NAE1: variants seen among roughly 807,000 people sequenced by gnomAD.
The protein encoded by NAE1 is NEDD8 activating enzyme E1 subunit 1, also known as NEDD8-activating enzyme E1 regulatory subunit.
A neutral mutation model predicts 88.0 loss-of-function variants in NAE1; 59 were observed. The ratio of observed to expected loss-of-function variants is 0.67; its 90% CI spans 0.54 to 0.83. The LOEUF (loss-of-function observed/expected upper bound fraction) is 0.83, where lower values mean the gene tolerates loss of function less well. Among genes scored for constraint, NAE1 ranks in the 40% least tolerant of loss-of-function variants. NAE1 has a pLI of 0.00. For synonymous variants in NAE1, 186 were observed against 208.9 expected, an observed-to-expected ratio of 0.89 and a Z score of 0.95; for missense variants, 554 against 632.8, an observed-to-expected ratio of 0.88 and a Z score of 1.34.
rs1959741994 is a variant in NAE1 at position 66,810,289 on chromosome 16, T to A, written c.1150+85A>T. 3 of 1,169,400 alleles carry A rather than the reference T, an allele frequency of 2.6e-6. No homozygotes were observed. In the East Asian group the frequency reaches 7.0e-5, roughly 27 times the overall value. The allele number at this position is 1,169,400 out of a possible 1,614,324, so 72.4% of individuals were successfully genotyped here. A position where few individuals can be genotyped will look rare whatever the true frequency, so the allele number is the denominator to read the frequency against. ...CACTGAGGCCATGGAAAACTTAAAA[T>A]TTCAACCATTCAAAATACCTGGGAA... On this transcript the variant is annotated intron_variant, in intron 15 of 19. Transcript: ENST00000290810.
intron 11 of NAE1, among the ~76,000 whole-genome samples, chr16:66,814,497 G>C (rs970738770): frequency 8.6e-5 from 13 of 151,782 alleles, no homozygotes; most frequent in Non-Finnish European, 2.9e-5. Context: ...GGAGGCTGAG[G>C]TGGGGGGATC....
intron 17 of NAE1, among the ~76,000 whole-genome samples, chr16:66,807,314 T>G (rs570669124): frequency 2.0e-5 from 3 of 151,744 alleles, no homozygotes; most frequent in Non-Finnish European, 2.9e-5. Context: ...GTGTTTATTC[T>G]TTTTTTTTCT....
At chr16:66,824,918 A>G in intron 3 of NAE1, 33 bp from the exon 4 acceptor site, 1 of 1,581,622 alleles carries the variant, frequency 6.3e-7, no homozygotes, top group South Asian at 1.2e-5. Flanking sequence ...AAAAAAAGTA[A>G]AGCTTACTGA....
chr16:66,808,686 T>C, intron 16 of NAE1, 73 bp from the exon 17 acceptor site: 1 of 1,096,326 alleles, frequency 9.1e-7, no homozygotes, highest in East Asian at 2.4e-5. Context: ...CTGAATTTAC[T>C]ATATACTTGA....
intron 11 of NAE1, among the ~76,000 whole-genome samples, chr16:66,815,059 G>A (rs999938147): frequency 6.6e-6 from 1 of 151,974 alleles, no homozygotes; most frequent in Non-Finnish European, 1.5e-5. Context: ...AGTCTCCCTG[G>A]CTCCCTATGT....
At position 66,809,005 on chromosome 16, in the gene NAE1, A is replaced by G. The variant is rs769819384; in HGVS notation, c.1221T>C (p.Ile407=). Residue 407 remains isoleucine, a synonymous_variant, in exon 16 of 20, where the codon ATT becomes ATC. Transcript: ENST00000290810. ...SLAEEYGLDT[I]NKDEIISSMD... is the part of the protein sequence containing the mutation. ...TATACTTACTAATTTCATCCTTGTT[A>G]ATTGTATCCAAACCATATTCTTCAG... is the stretch of plus-strand genomic sequence containing the variant. 1 of 1,607,686 alleles carries G rather than the reference A, an allele frequency of 6.2e-7. No individual in the cohort carries two copies.
chr16:66,829,178 G>C (rs1039468431), intron 1 of NAE1, among the ~76,000 whole-genome samples: 2 of 152,174 alleles, frequency 1.3e-5, no homozygotes, highest in African/African-American at 2.4e-5. Context: ...CACTATGAAA[G>C]TAAAGTTTGG....
chr16:66,829,813 T>C (rs545811328), intron 1 of NAE1, among the ~76,000 whole-genome samples: 60 of 152,360 alleles, frequency 3.9e-4, no homozygotes, highest in Admixed American at 1.1e-3. Flanking sequence ...CCACATGTAC[T>C]ACTGAGCACA....
At chr16:66,816,385 G>A (rs1013198510) in intron 11 of NAE1, among the ~76,000 whole-genome samples, 196 bp downstream of exon 11, 6 of 151,952 alleles carry the variant, frequency 3.9e-5, no homozygotes, top group Non-Finnish European at 8.8e-5. Flanking sequence ...GGCTGGTCTC[G>A]AACTCCTGAC....
At position 66,816,802 on chromosome 16, in the gene NAE1, C is replaced by T. The variant is rs572694427; in HGVS notation, c.749-130G>A. Reference sequence around the variant, plus strand: ...AGAAGAAATACGGCTTATCATTAGTCCTTAAAACTATACAAGGCGTGGCTT... The same window carrying T: ...AGAAGAAATACGGCTTATCATTAGTTCTTAAAACTATACAAGGCGTGGCTT... On this transcript the variant is annotated intron_variant, in intron 10 of 19. Transcript: ENST00000290810. The T allele has an allele frequency of 1.0e-5, 13 of 1,283,412 alleles. 1 individual carries two copies. In the East Asian group the frequency reaches 2.9e-4, roughly 29 times the overall value. 79.5% of individuals were successfully genotyped at this position (1,283,412 alleles called of 1,614,324 possible).
intron 11 of NAE1, among the ~76,000 whole-genome samples, chr16:66,815,976 C>T (rs547959087): frequency 1.3e-5 from 2 of 152,214 alleles, no homozygotes; most frequent in East Asian, 3.9e-4. Flanking sequence ...AGCCAGCACA[C>T]TTTTAATCAC....
chr16:66,828,174 G>T, intron 1 of NAE1: 1 of 914,278 alleles, frequency 1.1e-6, no homozygotes, highest in Non-Finnish European at 1.7e-6. Flanking sequence ...TGCTTAGATA[G>T]TTGGAGAGTA....
chr16:66,813,523 T>C (rs777840594), intron 13 of NAE1, 41 bp downstream of exon 13: 1 of 1,561,286 alleles, frequency 6.4e-7, no homozygotes, highest in East Asian at 2.3e-5. Context: ...TCTAATATAA[T>C]CAGACTTTTT....
At chr16:66,813,296 C>T (rs1567490616) in intron 13 of NAE1, 1 of 366,014 alleles carries the variant, frequency 2.7e-6, no homozygotes, top group Non-Finnish European at 5.0e-6. Context: ...GCGAACACTA[C>T]CATGCCCACC....
intron 1 of NAE1, among the ~76,000 whole-genome samples, chr16:66,830,467 G>A (rs1355211112): frequency 4.6e-5 from 7 of 152,180 alleles, no homozygotes; most frequent in Non-Finnish European, 1.0e-4. Context: ...ATTTCCATTG[G>A]ACAGCGCTGG....
chr16:66,810,651 G>A (rs762353169), intron 14 of NAE1, 46 bp downstream of exon 14: 1 of 1,538,236 alleles, frequency 6.5e-7, no homozygotes, highest in Admixed American at 1.8e-5. Context: ...TCTGGCTGGA[G>A]TTACGTGCTG....
chr16:66,823,558 T>TA lies in NAE1; in HGVS notation c.291dup (p.Ser98Ter), dbSNP rs1406491450. On this transcript the variant is annotated frameshift_variant, in exon 5 of 20. Transcript: ENST00000290810. LOFTEE classifies it high-confidence loss of function. ...TCCACAAAACTTCCAGAGACATCGC[T>TA]ATTTAATTCTTGTAAGAATTCCATG... 6.2e-7 allele frequency: 1 copy of TA among 1,611,512 alleles called. No homozygotes were observed. Among genetic ancestry groups the TA allele is most frequent in the African/African-American group, 1.3e-5 (1 of 74,854 alleles).
intron 15 of NAE1, 102 bp from the exon 16 acceptor site, chr16:66,809,177 A>AT: frequency 6.9e-6 from 5 of 728,002 alleles, no homozygotes; most frequent in Non-Finnish European, 1.1e-5. Flanking sequence ...TACCCTTCTC[A>AT]GACATGAGAA....
In NAE1 at chr16:66,830,907, C is replaced by A; in HGVS notation, c.-8G>T. On this transcript the variant is annotated 5_prime_UTR_variant, in exon 1 of 20. Coordinates refer to ENST00000290810, the MANE Select transcript of NAE1 (RefSeq NM_003905.4). Reference sequence around the variant, plus strand: ...CTTTCCCAGCTGCGCCATGGCCGCGCCTGCCGCGCGGAAAACAGCCGAGCC... The same window carrying A: ...CTTTCCCAGCTGCGCCATGGCCGCGACTGCCGCGCGGAAAACAGCCGAGCC... 1 of 1,533,292 alleles carries A rather than the reference C, an allele frequency of 6.5e-7. No individual in the cohort carries two copies. Among genetic ancestry groups the A allele is most frequent in the Non-Finnish European group, 8.7e-7 (1 of 1,148,914 alleles). The allele number at this position is 1,533,292 out of a possible 1,614,324, so 95.0% of individuals were successfully genotyped here.
Sources: allele counts gnomAD v4.1 joint callset (sites outside exome capture counted in the v4.1 genomes callset), GRCh38; gene constraint gnomAD v4.1.1; transcripts MANE v1.5; gene names NCBI Gene and HGNC (gene_info 2026-07-23, HGNC 2026-07-21).